TEAD1: variants seen among roughly 807,000 people sequenced by gnomAD.
TEAD1 encodes TEA domain transcription factor 1, also known as transcriptional enhancer factor TEF-1.
TEAD1 carries 9 observed loss-of-function variants against 54.9 expected under a neutral mutation model. The observed-to-expected ratio is 0.16, with a 90% CI of 0.10 to 0.29. TEAD1 has a LOEUF of 0.29. Ranked by LOEUF, TEAD1 falls within the 10% of genes least tolerant of loss-of-function variation. The pLI, the probability that TEAD1 is intolerant of heterozygous loss-of-function variation, is 1.00. For synonymous variants in TEAD1, 200 were observed against 187.8 expected (o/e 1.07, Z -0.53); for missense variants, 387 against 535.9 (o/e 0.72, Z 2.74).
At chr11:12,864,657 G>GTTTTT in intron 4 of TEAD1, 181 bp from the exon 5 acceptor site, 4 of 1,383,742 alleles carry the variant, frequency 2.9e-6, no homozygotes, top group South Asian at 2.9e-5. Context: ...GTTTTGTTTT[G>GTTTTT]TTTCCCCTCA....
intron 2 of TEAD1, among the ~76,000 whole-genome samples, chr11:12,727,130 C>T (rs886426905): frequency 1.6e-4 from 25 of 152,136 alleles, no homozygotes; most frequent in Admixed American, 5.2e-4. Context: ...GTCCCAGCTA[C>T]TTGGGAAGCT....
chr11:12,701,385 T>G (rs1943698385), intron 2 of TEAD1, among the ~76,000 whole-genome samples: 1 of 152,146 alleles, frequency 6.6e-6, no homozygotes, highest in Non-Finnish European at 1.5e-5. Flanking sequence ...TTCCAGAACC[T>G]GTAGCAAACA....
intron 3 of TEAD1, among the ~76,000 whole-genome samples, chr11:12,816,091 T>G (rs765600016): frequency 6.6e-6 from 1 of 152,266 alleles, no homozygotes; most frequent in African/African-American, 2.4e-5. Flanking sequence ...CTGTCTCTTC[T>G]GTTGGGCAGT....
chr11:12,757,212 G>T (rs1945000846), intron 2 of TEAD1, among the ~76,000 whole-genome samples: 1 of 152,072 alleles, frequency 6.6e-6, no homozygotes, highest in South Asian at 2.1e-4. Context: ...TTGCTCACCT[G>T]CTCACTCAAG....
intron 3 of TEAD1, among the ~76,000 whole-genome samples, chr11:12,811,996 A>C (rs886402101): frequency 6.6e-6 from 1 of 152,006 alleles, no homozygotes; most frequent in African/African-American, 2.4e-5. Context: ...CTGTCTCTTA[A>C]GCTGAAAAGA....
At chr11:12,680,382 C>T (rs965317442) in intron 2 of TEAD1, among the ~76,000 whole-genome samples, 27 of 152,342 alleles carry the variant, frequency 1.8e-4, no homozygotes, top group Admixed American at 5.9e-4. Context: ...GGAGAGCCCG[C>T]GGAAACCAAA....
intron 2 of TEAD1, among the ~76,000 whole-genome samples, chr11:12,693,551 A>T (rs1175173729): frequency 6.6e-6 from 1 of 152,144 alleles, no homozygotes; most frequent in Admixed American, 6.5e-5. Flanking sequence ...CCTGTTATCC[A>T]CTTTTGGGAA....
chr11:12,728,319 C>CT (rs1564920438), intron 2 of TEAD1, among the ~76,000 whole-genome samples: 1 of 152,148 alleles, frequency 6.6e-6, no homozygotes, highest in Admixed American at 6.6e-5. Context: ...CCAGGGGTCT[C>CT]TAACACCGTG....
At chr11:12,675,084 C>G (rs931255536) in intron 1 of TEAD1, among the ~76,000 whole-genome samples, 1 of 146,488 alleles carries the variant, frequency 6.8e-6, no homozygotes, top group African/African-American at 2.5e-5. Flanking sequence ...GGAGCCCGCG[C>G]GGCAACAGGC....
At chr11:12,708,755 A>T (rs1260841498) in intron 2 of TEAD1, among the ~76,000 whole-genome samples, 1 of 152,226 alleles carries the variant, frequency 6.6e-6, no homozygotes, top group African/African-American at 2.4e-5. Context: ...ACAGTGGAAT[A>T]TTATAAAGCT....
chr11:12,758,765 ACTC>A (rs1325127316), intron 2 of TEAD1, among the ~76,000 whole-genome samples: 2 of 150,166 alleles, frequency 1.3e-5, no homozygotes, highest in Non-Finnish European at 3.0e-5. Context: ...CTGGTCTCAA[ACTC>A]CTGACCTCAA....
At chr11:12,779,623 G>A (rs189983702) in intron 3 of TEAD1, among the ~76,000 whole-genome samples, 5 of 152,228 alleles carry the variant, frequency 3.3e-5, no homozygotes, top group Admixed American at 3.3e-4. Flanking sequence ...AGCTAAATCA[G>A]ACAAAGATAT....
At chr11:12,899,156 A>T (rs1384038897) in intron 9 of TEAD1, among the ~76,000 whole-genome samples, 1 of 152,060 alleles carries the variant, frequency 6.6e-6, no homozygotes, top group Non-Finnish European at 1.5e-5. Context: ...CTTGTATCTC[A>T]TGCCTTCCAT....
At chr11:12,823,129 T>C (rs1946585746) in intron 3 of TEAD1, among the ~76,000 whole-genome samples, 1 of 152,208 alleles carries the variant, frequency 6.6e-6, no homozygotes, top group Non-Finnish European at 1.5e-5. Flanking sequence ...AGAGCATCTG[T>C]CCTGGTTCTC....
At chr11:12,774,264 C>T (rs978588160) in intron 3 of TEAD1, among the ~76,000 whole-genome samples, 4 of 151,972 alleles carry the variant, frequency 2.6e-5, no homozygotes, top group South Asian at 2.1e-4. Flanking sequence ...TGAATGTGGG[C>T]GATGGACATG....
chr11:12,805,757 G>A (rs757804175), intron 3 of TEAD1, among the ~76,000 whole-genome samples: 1 of 152,154 alleles, frequency 6.6e-6, no homozygotes, highest in Non-Finnish European at 1.5e-5. Flanking sequence ...AGATTAGTAG[G>A]TACAGAAACT....
chr11:12,852,026 A>G (rs1184646442), intron 3 of TEAD1, among the ~76,000 whole-genome samples: 1 of 152,138 alleles, frequency 6.6e-6, no homozygotes, highest in African/African-American at 2.4e-5. Flanking sequence ...TCCCACAGAC[A>G]TTGGGGAGGA....
chr11:12,798,717 C>G (rs1000304502), intron 3 of TEAD1, among the ~76,000 whole-genome samples: 1 of 152,206 alleles, frequency 6.6e-6, no homozygotes, highest in East Asian at 1.9e-4. Context: ...GAGTTTGGCA[C>G]CAAATCAGCA....
chr11:12,794,887 T>C (rs544194583), intron 3 of TEAD1, among the ~76,000 whole-genome samples: 122 of 152,322 alleles, frequency 8.0e-4, no homozygotes, highest in Non-Finnish European at 3.4e-4. Context: ...CTAGTACCTC[T>C]GACAAGGAAA....
Sources: allele counts gnomAD v4.1 joint callset (sites outside exome capture counted in the v4.1 genomes callset), GRCh38; gene constraint gnomAD v4.1.1; transcripts MANE v1.5; gene names NCBI Gene and HGNC (gene_info 2026-07-23, HGNC 2026-07-21).